The following COL25A1 variants were observed in gnomAD, a reference collection of about 807,000 sequenced individuals.
The protein encoded by COL25A1 is collagen alpha-1(XXV) chain.
Under a neutral mutation model 128.4 loss-of-function variants are expected in COL25A1, and 103 were observed. The observed-to-expected ratio is 0.80, with a 90% CI of 0.68 to 0.94. COL25A1 has a LOEUF of 0.94. Ranked by LOEUF, COL25A1 falls within the 40% of genes least tolerant of loss-of-function variation. The pLI is 0.00. For synonymous variants in COL25A1, 279 were observed against 277.2 expected (o/e 1.01, Z -0.06); for missense variants, 745 against 840.0 (o/e 0.89, Z 1.40).
chr4:109,044,391 ACTTTT>A (rs1438325923), intron 5 of COL25A1, among the ~76,000 whole-genome samples: 1 of 151,268 alleles, frequency 6.6e-6, no homozygotes, highest in Non-Finnish European at 1.5e-5. Context: ...TATCATTAAT[ACTTTT>A]CTTTTTTGTT....
intron 3 of COL25A1, among the ~76,000 whole-genome samples, chr4:109,268,778 C>T (rs1049085077): frequency 9.2e-5 from 14 of 152,084 alleles, no homozygotes; most frequent in Non-Finnish European, 1.9e-4. Context: ...TGAGCTGGCT[C>T]AACAGAAGAA....
intron 6 of COL25A1, among the ~76,000 whole-genome samples, chr4:108,995,768 T>A (rs1449713421): frequency 6.6e-6 from 1 of 152,170 alleles, no homozygotes; most frequent in African/African-American, 2.4e-5. Context: ...ACAGTGGATC[T>A]CTCGGCAGAA....
intron 5 of COL25A1, among the ~76,000 whole-genome samples, chr4:109,025,463 T>G (rs1294924936): frequency 1.3e-5 from 2 of 152,338 alleles, no homozygotes; most frequent in East Asian, 3.9e-4. Context: ...AATTTATATG[T>G]GCCCAATTCT....
At chr4:109,104,042 C>A (rs1429044838) in intron 3 of COL25A1, among the ~76,000 whole-genome samples, 2 of 152,050 alleles carry the variant, frequency 1.3e-5, no homozygotes, top group Non-Finnish European at 2.9e-5. Flanking sequence ...TAGAAATATT[C>A]CAACTACAAA....
intron 3 of COL25A1, among the ~76,000 whole-genome samples, chr4:109,107,059 C>A (rs973055238): frequency 6.6e-6 from 1 of 152,100 alleles, no homozygotes; most frequent in African/African-American, 2.4e-5. Flanking sequence ...ATGAGCCACA[C>A]GACTAGCCCA....
At chr4:109,011,424 T>C (rs987886141) in intron 5 of COL25A1, among the ~76,000 whole-genome samples, 6 of 105,564 alleles carry the variant, frequency 5.7e-5, no homozygotes, top group African/African-American at 3.8e-4. Context: ...AAAATGTAGT[T>C]GGCAGGTCAA....
chr4:108,989,566 A>G (rs1753972908), intron 6 of COL25A1, among the ~76,000 whole-genome samples: 1 of 152,210 alleles, frequency 6.6e-6, no homozygotes, highest in African/African-American at 2.4e-5. Flanking sequence ...TACTATGATC[A>G]ATTCTGCCTG....
chr4:108,853,730 T>C (rs370729024), intron 24 of COL25A1, among the ~76,000 whole-genome samples: 1 of 151,550 alleles, frequency 6.6e-6, no homozygotes, highest in Non-Finnish European at 1.5e-5. Context: ...TATGTTCTCA[T>C]TGTTCAACTC....
intron 3 of COL25A1, among the ~76,000 whole-genome samples, chr4:109,227,410 TGGCAGGGAA>T (rs1778877586): frequency 6.6e-6 from 1 of 152,198 alleles, no homozygotes; most frequent in South Asian, 2.1e-4. Flanking sequence ...CTGAATAACT[TGGCAGGGAA>T]GGTATCTTGT....
At chr4:108,838,226 A>C (rs1734029692) in intron 31 of COL25A1, 12 of 1,298,962 alleles carry the variant, frequency 9.2e-6, no homozygotes, top group Non-Finnish European at 1.3e-5. Flanking sequence ...ATGGGTGTTT[A>C]AACTGTGAGA....
intron 17 of COL25A1, 97 bp downstream of exon 17, chr4:108,889,604 T>C (rs748018266): frequency 1.8e-5 from 19 of 1,030,658 alleles, no homozygotes; most frequent in Non-Finnish European, 2.7e-5. Context: ...AACAGAGTTA[T>C]AACCATCAAA....
At chr4:109,218,132 A>C (rs953885995) in intron 3 of COL25A1, among the ~76,000 whole-genome samples, 1 of 152,312 alleles carries the variant, frequency 6.6e-6, no homozygotes, top group Middle Eastern at 3.4e-3. Flanking sequence ...TACTGACAGT[A>C]CTATAAGTCA....
intron 3 of COL25A1, among the ~76,000 whole-genome samples, chr4:109,201,661 A>G (rs1776566484): frequency 6.6e-6 from 1 of 152,192 alleles, no homozygotes; most frequent in African/African-American, 2.4e-5. Flanking sequence ...AGGAAAGGAT[A>G]TAAGAGGCAT....
intron 3 of COL25A1, among the ~76,000 whole-genome samples, chr4:109,194,575 A>C (rs1370640361): frequency 1.3e-5 from 2 of 152,190 alleles, no homozygotes; most frequent in Non-Finnish European, 2.9e-5. Flanking sequence ...TATAATTAGG[A>C]AATTATATAC....
intron 11 of COL25A1, among the ~76,000 whole-genome samples, chr4:108,932,744 G>A (rs1746897161): frequency 6.6e-6 from 1 of 152,100 alleles, no homozygotes; most frequent in Non-Finnish European, 1.5e-5. Context: ...GTCAAAGAAA[G>A]AAACAGCAAG....
At chr4:109,123,586 T>C (rs1328037391) in intron 3 of COL25A1, among the ~76,000 whole-genome samples, 2 of 152,064 alleles carry the variant, frequency 1.3e-5, no homozygotes, top group African/African-American at 4.8e-5. Flanking sequence ...AACTTCTCCC[T>C]AACAAAATAT....
At chr4:109,272,718 A>G (rs1782276309) in intron 3 of COL25A1, among the ~76,000 whole-genome samples, 2 of 152,168 alleles carry the variant, frequency 1.3e-5, no homozygotes, top group Non-Finnish European at 2.9e-5. Flanking sequence ...GGCCTAATAG[A>G]GCTTCCAACC....
rs1021451556 is a variant in COL25A1, at chr4:109,258,631, C to T, written c.367+41952G>A. Among the ~76,000 whole-genome samples, 25 of 152,124 alleles carry T rather than the reference C, an allele frequency of 1.6e-4. 1 individual carries two copies. Among genetic ancestry groups the T allele is most frequent in the Admixed American group, 1.3e-4 (2 of 15,266 alleles). On this transcript the variant is annotated intron_variant, in intron 3 of 37. Transcript: ENST00000399132. ...TTGCTATTGCCTTTTTGGCCAAATA[C>T]TGTATAACACCTCAACATAAATGTT...
chr4:108,874,269 A>G lies in COL25A1; in HGVS notation c.1021-5119T>C, dbSNP rs140809170. 6.6e-5 allele frequency among the ~76,000 whole-genome samples: 10 copies of G among 152,340 alleles called. No individual in the cohort carries two copies. In the East Asian group the frequency reaches 1.9e-3, roughly 29 times the overall value. ...ACAAACAGGAGAAATAACTGTTTAT[A>G]TTGGAATGTATAATGATTATCACAG... is the stretch of plus-strand genomic sequence containing the variant. On this transcript the variant is annotated intron_variant, in intron 19 of 37. Coordinates refer to ENST00000399132, the MANE Select transcript of COL25A1 (RefSeq NM_198721.4).
Sources: allele counts gnomAD v4.1 joint callset (sites outside exome capture counted in the v4.1 genomes callset), GRCh38; gene constraint gnomAD v4.1.1; transcripts MANE v1.5; gene names NCBI Gene and HGNC (gene_info 2026-07-23, HGNC 2026-07-21).